GLYATL1: variants seen among roughly 807,000 people sequenced by gnomAD.
GLYATL1 encodes glycine-N-acyltransferase like 1.
Under a neutral mutation model 20.0 loss-of-function variants are expected in GLYATL1, and 15 were observed. The observed-to-expected ratio is 0.75, with a 90% confidence interval of 0.50 to 1.15. The LOEUF (loss-of-function observed/expected upper bound fraction) is 1.15, where lower values mean the gene tolerates loss of function less well. Ranked by LOEUF, GLYATL1 falls within the 50% of genes most tolerant of loss-of-function variation. The probability of loss-of-function intolerance (pLI) is 0.00; values close to 1 mark genes in which losing one functional copy is unlikely to be tolerated. For missense variants in GLYATL1, 380 were observed against 368.5 expected (o/e 1.03, Z -0.26); for synonymous variants, 151 against 131.5 (o/e 1.15, Z -1.01).
chr11:58,943,700 G>T, intron 2 of GLYATL1, 34 bp downstream of exon 2: 3 of 1,608,166 alleles, frequency 1.9e-6, no homozygotes, highest in Non-Finnish European at 2.5e-6. Flanking sequence ...AGCTTCACAC[G>T]TTGGTGTTTT....
chr11:58,949,495 C>T (rs569282679), intron 4 of GLYATL1, among the ~76,000 whole-genome samples: 1 of 152,244 alleles, frequency 6.6e-6, no homozygotes, highest in African/African-American at 2.4e-5. Flanking sequence ...TGCTAGATAA[C>T]TGTAGGAAGT....
upstream of GLYATL1, among the ~76,000 whole-genome samples, chr11:58,936,395 G>A (rs1162214395): frequency 6.6e-6 from 1 of 152,200 alleles, no homozygotes; most frequent in Non-Finnish European, 1.5e-5. Flanking sequence ...GCAATCATGT[G>A]TCCACTTCCC....
intron 1 of GLYATL1, among the ~76,000 whole-genome samples, chr11:58,906,038 G>A (rs1854871357): frequency 6.6e-6 from 1 of 152,344 alleles, no homozygotes; most frequent in Admixed American, 6.5e-5. Context: ...CAAGAGAGAA[G>A]TCTTCCCAAC....
chr11:58,925,107 A>T (rs765312660), upstream of GLYATL1, among the ~76,000 whole-genome samples: 63 of 152,160 alleles, frequency 4.1e-4, no homozygotes, highest in Non-Finnish European at 6.5e-4. Flanking sequence ...TCCTTGGATG[A>T]GGATACAGTC....
intron 1 of GLYATL1, chr11:58,905,668 G>A (rs769838826): frequency 2.2e-6 from 1 of 455,306 alleles, no homozygotes; most frequent in South Asian, 1.5e-5. Flanking sequence ...CCTGGTACGC[G>A]GGAACTGGCT....
At chr11:58,920,027 G>A (rs1045850875) in intron 1 of GLYATL1, among the ~76,000 whole-genome samples, 4 of 152,088 alleles carry the variant, frequency 2.6e-5, no homozygotes, top group African/African-American at 7.2e-5. Context: ...ATGTAGCTTG[G>A]GGTCTCCGGG....
downstream of GLYATL1, among the ~76,000 whole-genome samples, chr11:58,911,205 A>C (rs1022207998): frequency 6.6e-6 from 1 of 152,180 alleles, no homozygotes; most frequent in Non-Finnish European, 1.5e-5. Context: ...AATGTATCAA[A>C]ATCTGTTTAT....
At position 58,956,159 on chromosome 11, in the gene GLYATL1, C is replaced by G; in HGVS notation, c.*132C>G. On this transcript the variant is annotated 3_prime_UTR_variant, in exon 7 of 7. Transcript: ENST00000532726. ...CAGCAGGAACTCTTCTCACCTGGAG[C>G]CTTGATGTTAAAAGACACAGCCATG... is the stretch of plus-strand genomic sequence containing the variant. 2 of 792,042 alleles carry G rather than the reference C, an allele frequency of 2.5e-6. No individual in the cohort carries two copies. The highest frequency in any genetic ancestry group is 3.7e-5 in the South Asian group (2 of 53,820). The allele number at this position is 792,042 out of a possible 1,614,324, so 49.1% of individuals were successfully genotyped here. A position where few individuals can be genotyped will look rare whatever the true frequency, so the allele number is the denominator to read the frequency against.
At chr11:58,936,251 G>A (rs1473113224), upstream of GLYATL1, among the ~76,000 whole-genome samples, 1 of 152,190 alleles carries the variant, frequency 6.6e-6, no homozygotes, top group Non-Finnish European at 1.5e-5. Flanking sequence ...GTCTCAAGAG[G>A]AAGAGATTCA....
At chr11:58,950,291 A>T (rs1040326496) in intron 4 of GLYATL1, among the ~76,000 whole-genome samples, 1 of 141,692 alleles carries the variant, frequency 7.1e-6, no homozygotes, top group East Asian at 2.0e-4. Context: ...GACTCCGTCT[A>T]AAAAAAAAAA....
rs1856356722 is a variant in GLYATL1 at position 58,943,769 on chromosome 11, A to G, written c.-43+103A>G. The stretch of plus-strand genomic sequence containing the variant: ...TCCAAACTGGGTTTGGAGTCACAAC[A>G]GGAAACAGACTGGGTCTAGGAACAG... On this transcript the variant is annotated intron_variant, in intron 2 of 6. Coordinates refer to ENST00000532726, the MANE Select transcript of GLYATL1 (RefSeq NM_001389712.2). 1.3e-5 allele frequency: 19 copies of G among 1,504,798 alleles called. No homozygotes were observed. The South Asian group carries it at 2.5e-4, about 20-fold the overall frequency. The allele number at this position is 1,504,798 out of a possible 1,614,324, so 93.2% of individuals were successfully genotyped here. A position where few individuals can be genotyped will look rare whatever the true frequency, so the allele number is the denominator to read the frequency against.
Position 58,955,884 on chromosome 11 carries a change from C to T in GLYATL1, c.766C>T (p.Arg256Cys), listed in dbSNP as rs1355194328. 28 of 1,614,158 alleles carry T rather than the reference C, an allele frequency of 1.7e-5. No homozygotes were observed. The highest frequency in any genetic ancestry group is 2.2e-5 in the Non-Finnish European group (26 of 1,180,026). ...GATGGTGCGATACATGAAATATCTGCGTCAGAAGAATATTCCATTTTACAT... is the reference window on the plus strand; with the variant it reads ...GATGGTGCGATACATGAAATATCTGTGTCAGAAGAATATTCCATTTTACAT... ...RVMVRYMKYLRQKNIPFYISV... is the reference protein window; with the variant it reads ...RVMVRYMKYLCQKNIPFYISV... The change falls in exon 7 of 7, where the codon CGT becomes TGT. Residue 256 changes from arginine to cysteine, a missense_variant. Arg to Cys is a radical substitution (Grantham distance 180, BLOSUM62 -3). Coordinates refer to ENST00000532726, the MANE Select transcript of GLYATL1 (RefSeq NM_001389712.2).
chr11:58,918,884 T>C (rs1001160363), intron 1 of GLYATL1, among the ~76,000 whole-genome samples: 1 of 152,196 alleles, frequency 6.6e-6, no homozygotes, highest in Non-Finnish European at 1.5e-5. Context: ...CATCTCGGTC[T>C]CATGGCATTA....
chr11:58,914,439 G>A (rs898505108), intron 1 of GLYATL1, among the ~76,000 whole-genome samples: 1 of 152,186 alleles, frequency 6.6e-6, no homozygotes, highest in African/African-American at 2.4e-5. Context: ...CCAAAGACAG[G>A]TCTTTTTGGT....
rs1220239840 is a variant in GLYATL1, at chr11:58,905,646, TGC to T, written n.224_225del. On this transcript the variant is annotated non_coding_transcript_exon_variant, in exon 1 of 2. Coordinates refer to the GLYATL1 transcript ENST00000524629. ...GAGCAGGAAGAAGCAGGGCAGTGAC[TGC>T]TTAGTTTATCCTGGTACGCGGGAAC... 3 of 455,948 alleles carry T rather than the reference TGC, an allele frequency of 6.6e-6. No individual in the cohort carries two copies. The East Asian group carries it at 2.1e-4, about 32-fold the overall frequency. The allele number at this position is 455,948 out of a possible 1,614,324, so 28.2% of individuals were successfully genotyped here.
Position 58,947,175 on chromosome 11 carries a change from C to G in GLYATL1, c.78+10C>G, listed in dbSNP as rs1856629476. On this transcript the variant is annotated intron_variant, in intron 3 of 6. Coordinates refer to ENST00000532726, the MANE Select transcript of GLYATL1 (RefSeq NM_001389712.2). ...CCCTGAGTCCCTGAAGGTCAGGGAA[C>G]AGTGGGAGGTCAGGGTATGGGAGTA... The G allele has an allele frequency of 9.9e-6, 16 of 1,613,318 alleles. No individual in the cohort carries two copies. The East Asian group carries it at 3.1e-4, about 31-fold the overall frequency.
At chr11:58,909,227 T>C (rs1049603948), downstream of GLYATL1, among the ~76,000 whole-genome samples, 2 of 152,172 alleles carry the variant, frequency 1.3e-5, no homozygotes, top group African/African-American at 2.4e-5. Context: ...GAAGTGGTTG[T>C]CAGGGGCTGG....
intron 1 of GLYATL1, among the ~76,000 whole-genome samples, chr11:58,916,759 G>A (rs1380402528): frequency 1.3e-5 from 2 of 152,234 alleles, no homozygotes; most frequent in Non-Finnish European, 2.9e-5. Context: ...TTTAAAGAAA[G>A]AATTGGTAAA....
chr11:58,913,529 A>G (rs144162628), downstream of GLYATL1, among the ~76,000 whole-genome samples: 85 of 152,326 alleles, frequency 5.6e-4, no homozygotes, highest in African/African-American at 2.0e-3. Context: ...CACTTATTCA[A>G]TGAACACTTC....
Sources: gnomAD v4.1 joint callset for allele counts (sites outside exome capture counted in the v4.1 genomes callset) on GRCh38, gnomAD v4.1.1 for gene constraint, MANE v1.5 for transcripts, NCBI Gene and HGNC (gene_info 2026-07-23, HGNC 2026-07-21) for gene names.